Variants in MSI2 observed in about 807,000 individuals in gnomAD.
MSI2 encodes RNA-binding protein Musashi homolog 2.
MSI2 carries 17 observed loss-of-function variants against 45.6 expected under a neutral mutation model. That is an observed-to-expected ratio of 0.37 (90% CI 0.26 to 0.56). The LOEUF (loss-of-function observed/expected upper bound fraction) is 0.56. MSI2 is among the 20% of genes least tolerant of loss of function. The pLI is 0.77. For synonymous variants in MSI2, 156 were observed against 158.2 expected (o/e 0.99, Z 0.11); for missense variants, 293 against 444.2 (o/e 0.66, Z 3.06).
At chr17:57,262,056 G>A in intron 4 of MSI2, 95 bp from the exon 5 acceptor site, 4 of 1,338,944 alleles carry the variant, frequency 3.0e-6, no homozygotes, top group Middle Eastern at 1.8e-4. Flanking sequence ...TGGATTATAA[G>A]CCTGAGAAAT....
intron 11 of MSI2, among the ~76,000 whole-genome samples, chr17:57,660,494 G>GA (rs1911913209): frequency 1.3e-5 from 2 of 152,320 alleles, no homozygotes; most frequent in Non-Finnish European, 2.9e-5. Context: ...GAAGTTCCTG[G>GA]AAGTTCATGG....
chr17:57,537,919 A>G (rs952311927), intron 7 of MSI2, among the ~76,000 whole-genome samples: 2 of 152,230 alleles, frequency 1.3e-5, no homozygotes, highest in Non-Finnish European at 2.9e-5. Flanking sequence ...TTGGAATAAA[A>G]GCCCTGGCAC....
intron 7 of MSI2, among the ~76,000 whole-genome samples, chr17:57,580,783 C>A (rs985621989): frequency 6.6e-6 from 1 of 152,108 alleles, no homozygotes; most frequent in Non-Finnish European, 1.5e-5. Context: ...ACTTCCAAAT[C>A]GCTCAGCTTT....
At chr17:57,257,354 C>A in intron 2 of MSI2, 112 bp from the exon 3 acceptor site, 1 of 709,422 alleles carries the variant, frequency 1.4e-6, no homozygotes. Context: ...AAAAACAAAA[C>A]AGAATAACAA....
At chr17:57,269,753 G>A (rs2143265202) in intron 5 of MSI2, among the ~76,000 whole-genome samples, 1 of 152,312 alleles carries the variant, frequency 6.6e-6, no homozygotes, top group East Asian at 1.9e-4. Context: ...ATCACAGATT[G>A]CCTGTATAAC....
At chr17:57,581,837 A>G (rs2144370726) in intron 7 of MSI2, among the ~76,000 whole-genome samples, 1 of 152,388 alleles carries the variant, frequency 6.6e-6, no homozygotes, top group South Asian at 2.1e-4. Flanking sequence ...TCGTCGCTTA[A>G]CACATGTTTT....
intron 5 of MSI2, among the ~76,000 whole-genome samples, chr17:57,366,658 A>G (rs1025884655): frequency 6.6e-6 from 1 of 152,240 alleles, no homozygotes; most frequent in Non-Finnish European, 1.5e-5. Context: ...GGGAGGAGCG[A>G]AGAGGTGGGG....
At chr17:57,418,385 A>C (rs780199160) in intron 6 of MSI2, among the ~76,000 whole-genome samples, 1 of 152,268 alleles carries the variant, frequency 6.6e-6, no homozygotes, top group Non-Finnish European at 1.5e-5. Context: ...AGAAAGGTAC[A>C]TTGTATTGTC....
At chr17:57,390,075 CAAA>C (rs55932533) in intron 5 of MSI2, among the ~76,000 whole-genome samples, 4 of 139,296 alleles carry the variant, frequency 2.9e-5, no homozygotes, top group South Asian at 2.3e-4. Flanking sequence ...CTGTCTTTAC[CAAA>C]AAAAAAAAAA....
chr17:57,414,103 GT>G (rs2084248615), intron 6 of MSI2, among the ~76,000 whole-genome samples: 2 of 152,200 alleles, frequency 1.3e-5, no homozygotes, highest in African/African-American at 4.8e-5. Flanking sequence ...TACAGATTGT[GT>G]CATCAAGGAA....
At chr17:57,632,746 G>C in intron 10 of MSI2, 1 of 1,065,910 alleles carries the variant, frequency 9.4e-7, no homozygotes, top group Non-Finnish European at 1.1e-6. Context: ...GGACCCTCAA[G>C]AGTCACTGCT....
chr17:57,257,009 C>T (rs554222334), intron 1 of MSI2, 89 bp from the exon 2 acceptor site: 3 of 1,604,830 alleles, frequency 1.9e-6, no homozygotes, highest in South Asian at 1.1e-5. Flanking sequence ...GCTCGCTCCC[C>T]CCCGCTTTCC....
At chr17:57,326,000 T>A (rs1406478176) in intron 5 of MSI2, among the ~76,000 whole-genome samples, 1 of 152,158 alleles carries the variant, frequency 6.6e-6, no homozygotes, top group Non-Finnish European at 1.5e-5. Context: ...CTGCTGGGAA[T>A]GCCCACCTGC....
chr17:57,429,221 C>G (rs1217181167), intron 6 of MSI2, among the ~76,000 whole-genome samples: 1 of 152,120 alleles, frequency 6.6e-6, no homozygotes, highest in Non-Finnish European at 1.5e-5. Flanking sequence ...TCAGGCTGAT[C>G]CCACACAGCC....
intron 6 of MSI2, among the ~76,000 whole-genome samples, chr17:57,443,668 G>A (rs2084843114): frequency 6.6e-6 from 1 of 152,136 alleles, no homozygotes; most frequent in Admixed American, 6.5e-5. Context: ...CCCTGAATGT[G>A]TTTGCTCTGC....
intron 6 of MSI2, among the ~76,000 whole-genome samples, chr17:57,402,203 G>T (rs1009470192): frequency 1.3e-5 from 2 of 152,174 alleles, no homozygotes; most frequent in Admixed American, 1.3e-4. Context: ...TTGAGAGTGG[G>T]TTCTTGCTGA....
intron 6 of MSI2, among the ~76,000 whole-genome samples, chr17:57,439,287 G>GTATT (rs2143449809): frequency 6.6e-6 from 1 of 152,324 alleles, no homozygotes; most frequent in East Asian, 1.9e-4. Flanking sequence ...AGGCTGAGAG[G>GTATT]TATTTGTAGG....
At chr17:57,445,456 C>T (rs1040618623) in intron 6 of MSI2, among the ~76,000 whole-genome samples, 2 of 151,956 alleles carry the variant, frequency 1.3e-5, no homozygotes, top group African/African-American at 4.8e-5. Context: ...TGTCTGTCTA[C>T]AGCTCAACAT....
At chr17:57,398,492 AGT>A (rs1219681069) in intron 5 of MSI2, among the ~76,000 whole-genome samples, 2 of 152,230 alleles carry the variant, frequency 1.3e-5, no homozygotes, top group East Asian at 3.8e-4. Context: ...GATGCAGGAA[AGT>A]GTTTTTGAAA....
Sources: allele counts gnomAD v4.1 joint callset (sites outside exome capture counted in the v4.1 genomes callset), GRCh38; gene constraint gnomAD v4.1.1; transcripts MANE v1.5; gene names NCBI Gene and HGNC (gene_info 2026-07-23, HGNC 2026-07-21).